The following NOL8 variants were observed in gnomAD, a reference collection of about 807,000 sequenced individuals.
NOL8 encodes nucleolar protein Nop132.
In NOL8, 93 loss-of-function variants were observed where a neutral mutation model predicts 116.1. That is an observed-to-expected ratio of 0.80 (90% CI 0.68 to 0.95). The LOEUF (loss-of-function observed/expected upper bound fraction) is 0.95, where lower values mean the gene tolerates loss of function less well. Among genes scored for constraint, NOL8 ranks in the 40% least tolerant of loss-of-function variants. NOL8 has a pLI of 0.00. For synonymous variants in NOL8, 419 were observed against 469.0 expected (o/e 0.89, Z 1.38); for missense variants, 1,291 against 1,382.8 (o/e 0.93, Z 1.05).
intron 12 of NOL8, among the ~76,000 whole-genome samples, chr9:92,304,487 T>C (rs1005367982): frequency 2.0e-5 from 3 of 152,194 alleles, no homozygotes; most frequent in African/African-American, 7.2e-5. Context: ...AATGATGACA[T>C]CCTGGATTTT....
chr9:92,317,636 C>T (rs1188204845), intron 6 of NOL8, among the ~76,000 whole-genome samples: 4 of 152,122 alleles, frequency 2.6e-5, no homozygotes, highest in African/African-American at 4.8e-5. Context: ...TTGGCTTTTG[C>T]TCCTCCAGCA....
Position 92,315,889 on chromosome 9 carries a change from G to T in NOL8, c.736C>A (p.Pro246Thr). 6.2e-7 allele frequency: 1 copy of T among 1,613,824 alleles called. No homozygotes were observed. Among genetic ancestry groups the T allele is most frequent in the Non-Finnish European group, 8.5e-7 (1 of 1,179,872 alleles). Reference sequence around the variant, plus strand: ...GCAGCCTGTTGCTGTGTTAAGGGTGGTCTCTCTATTACCCTCCTGGGCCTT... The same window carrying T: ...GCAGCCTGTTGCTGTGTTAAGGGTGTTCTCTCTATTACCCTCCTGGGCCTT... ...STRPRRVIER[P>T]PLTQQQAAQK... Residue 246 changes from proline to threonine, a missense_variant, in exon 7 of 17, where the codon CCA (proline) becomes ACA (threonine). Pro to Thr is a conservative substitution (Grantham distance 38, BLOSUM62 -1). Transcript: ENST00000442668.
At position 92,314,512 on chromosome 9, in the gene NOL8, C is replaced by G. The variant is rs573564887; in HGVS notation, c.2113G>C (p.Glu705Gln). The change falls in exon 7 of 17, where the codon GAA (glutamate) becomes CAA (glutamine). Residue 705 changes from glutamate to glutamine, a missense_variant. Physicochemically the swap from Glu to Gln is conservative, Grantham distance 29. Transcript: ENST00000442668. The part of the protein sequence containing the change: ...KDSCHSTTKT[E>Q]ASQEERSDSS... ...TCAGACCGCTCTTCCTGTGAAGCTTCTGTCTTTGTGGTACTATGGCAGCTG... is the reference window on the plus strand; with the variant it reads ...TCAGACCGCTCTTCCTGTGAAGCTTGTGTCTTTGTGGTACTATGGCAGCTG... 56 of 1,613,672 alleles carry G rather than the reference C, an allele frequency of 3.5e-5. No individual in the cohort carries two copies. In the South Asian group the frequency reaches 5.2e-4, roughly 15 times the overall value.
At chr9:92,300,222 G>C in intron 13 of NOL8, 1 of 1,217,688 alleles carries the variant, frequency 8.2e-7, no homozygotes, top group Non-Finnish European at 1.0e-6. Context: ...CATAATTTTG[G>C]CATTGCTAGA....
At chr9:92,323,922 T>C in intron 2 of NOL8, 101 bp downstream of exon 2, 2 of 1,275,264 alleles carry the variant, frequency 1.6e-6, no homozygotes, top group Non-Finnish European at 2.2e-6. Flanking sequence ...TTAAAACTTT[T>C]GGTGTTCAGA....
chr9:92,323,250 C>T (rs1269380230), intron 3 of NOL8, 191 bp downstream of exon 3: 2 of 1,477,948 alleles, frequency 1.4e-6, no homozygotes, highest in East Asian at 2.5e-5. Context: ...AAAGTGCTAC[C>T]ATGTCTGCTG....
intron 8 of NOL8, chr9:92,310,895 GTAGT>G (rs1421255272): frequency 5.2e-6 from 3 of 581,012 alleles, no homozygotes; most frequent in Non-Finnish European, 9.0e-6. Context: ...ATTTGGGGAG[GTAGT>G]TATTACATGC....
intron 6 of NOL8, among the ~76,000 whole-genome samples, chr9:92,316,447 G>A (rs1033312179): frequency 3.9e-4 from 59 of 152,286 alleles, no homozygotes; most frequent in Non-Finnish European, 6.9e-4. Context: ...GCTATTTTCT[G>A]TAAATCACAG....
In NOL8 at chr9:92,314,451, T is replaced by C. The variant is rs1158472282; in HGVS notation, c.2174A>G (p.Lys725Arg). The stretch of plus-strand genomic sequence containing the variant: ...TTCCCGAGTGTCCTTGGATGAGACC[T>C]TTGGTGATTTCTTGAGAGATGTGAG... ...SGLTSLKKSP[K>R]VSSKDTREIK... The change falls in exon 7 of 17, where the codon AAG becomes AGG. Residue 725 changes from lysine (K) to arginine (R), a missense_variant. Physicochemically the swap from Lys to Arg is conservative, Grantham distance 26 (BLOSUM62 2). Transcript: ENST00000442668. The C allele has an allele frequency of 6.2e-7, 1 of 1,612,650 alleles. No homozygotes were observed. Among genetic ancestry groups the C allele is most frequent in the Non-Finnish European group, 8.5e-7 (1 of 1,178,902 alleles).
chr9:92,311,132 C>T lies in NOL8; in HGVS notation c.2472+14G>A, dbSNP rs1384885950. 2 of 1,587,788 alleles carry T rather than the reference C, an allele frequency of 1.3e-6. No homozygotes were observed. The highest frequency in any genetic ancestry group is 1.7e-6 in the Non-Finnish European group (2 of 1,156,990). On this transcript the variant is annotated intron_variant, in intron 8 of 16. Coordinates refer to ENST00000442668, the MANE Select transcript of NOL8 (RefSeq NM_017948.6). ...AGTAGATGAATGTCCACAGAGACATCCTGAACTTCTTACTTTCACCCATTC... is the reference window on the plus strand; with the variant it reads ...AGTAGATGAATGTCCACAGAGACATTCTGAACTTCTTACTTTCACCCATTC...
Position 92,314,830 on chromosome 9 carries a change from C to T in NOL8, c.1795G>A (p.Asp599Asn). ...LKDSVASNNKDQNSMKHEDPS... is the reference protein window; with the variant it reads ...LKDSVASNNKNQNSMKHEDPS... The stretch of plus-strand genomic sequence containing the variant: ...TCCTCATGTTTCATGGAATTCTGAT[C>T]TTTATTGTTAGAGGCAACACTGTCT... Residue 599 changes from aspartate to asparagine, a missense_variant, in exon 7 of 17, where the codon GAT (aspartate) becomes AAT (asparagine). Coordinates refer to ENST00000442668, the MANE Select transcript of NOL8 (RefSeq NM_017948.6). The T allele has an allele frequency of 1.2e-6, 2 of 1,613,278 alleles. No homozygotes were observed. Among genetic ancestry groups the T allele is most frequent in the Non-Finnish European group, 1.7e-6 (2 of 1,179,638 alleles).
Position 92,315,486 on chromosome 9 carries a change from T to A in NOL8, c.1139A>T (p.Asp380Val). Residue 380 changes from aspartate (D) to valine (V), a missense_variant, in exon 7 of 17, where the codon GAT (aspartate) becomes GTT (valine). Transcript: ENST00000442668. ...TTTCATCGCAATAATTTCATCTGTA[T>A]CTCCTGAGTCATACTCACGATCATT... is the stretch of plus-strand genomic sequence containing the variant. ...MRNDREYDSG[D>V]TDEIIAMKKN... The A allele has an allele frequency of 2.5e-6, 4 of 1,607,374 alleles. No homozygotes were observed. The highest frequency in any genetic ancestry group is 3.4e-6 in the Non-Finnish European group (4 of 1,176,534).
At chr9:92,319,551 A>G (rs1213278554) in intron 4 of NOL8, among the ~76,000 whole-genome samples, 195 bp from the exon 5 acceptor site, 1 of 152,222 alleles carries the variant, frequency 6.6e-6, no homozygotes, top group African/African-American at 2.4e-5. Context: ...TTATTATAGA[A>G]TACTGGAAGA....
At position 92,323,438 on chromosome 9, in the gene NOL8, T is replaced by G. The variant is rs1408769044; in HGVS notation, c.202+3A>C. 1 of 1,601,022 alleles carries G rather than the reference T, an allele frequency of 6.2e-7. No homozygotes were observed. Among genetic ancestry groups the G allele is most frequent in the Non-Finnish European group, 8.5e-7 (1 of 1,173,134 alleles). On this transcript the variant is annotated splice_donor_region_variant and intron_variant, in intron 3 of 16. Coordinates refer to ENST00000442668, the MANE Select transcript of NOL8 (RefSeq NM_017948.6). ...CAGTATAGAAAATATATGATGATCTTACATTTTTTCAGGTCCGCTTCTGCT... is the reference window on the plus strand; with the variant it reads ...CAGTATAGAAAATATATGATGATCTGACATTTTTTCAGGTCCGCTTCTGCT...
rs1422906878 is a variant in NOL8, at chr9:92,306,937, A to G, written c.2774T>C (p.Ile925Thr). ...ALNVVQSVLQ[I>T]NLSNSTNRGS... The stretch of plus-strand genomic sequence containing the variant: ...TCTGTTTGTAGAATTGCTTAAGTTG[A>G]TTTGCAAAACACTTTGTACAACATT... Residue 925 changes from isoleucine to threonine, a missense_variant, in exon 11 of 17, where the codon ATC (isoleucine) becomes ACC (threonine). Ile to Thr is a moderately conservative substitution (Grantham distance 89, BLOSUM62 -1). Coordinates refer to ENST00000442668, the MANE Select transcript of NOL8 (RefSeq NM_017948.6). 2 of 1,613,390 alleles carry G rather than the reference A, an allele frequency of 1.2e-6. No individual in the cohort carries two copies. Among genetic ancestry groups the G allele is most frequent in the Non-Finnish European group, 1.7e-6 (2 of 1,179,578 alleles).
At chr9:92,307,831 GAT>G (rs796316281) in intron 10 of NOL8, among the ~76,000 whole-genome samples, 6 of 152,332 alleles carry the variant, frequency 3.9e-5, no homozygotes, top group African/African-American at 1.4e-4. Flanking sequence ...AGGTAGGAAA[GAT>G]AGAGTTGAAT....
At chr9:92,304,116 T>C (rs112328359) in intron 12 of NOL8, among the ~76,000 whole-genome samples, 3 of 152,104 alleles carry the variant, frequency 2.0e-5, no homozygotes, top group Non-Finnish European at 2.9e-5. Context: ...AAAAAGCAGG[T>C]TGAAAAAACT....
chr9:92,318,033 CAAAAA>C (rs745928872), intron 6 of NOL8, among the ~76,000 whole-genome samples: 3 of 34,600 alleles, frequency 8.7e-5, no homozygotes, highest in African/African-American at 3.5e-4. Context: ...GACTCCATCT[CAAAAA>C]AAAAAAAAAA....
At chr9:92,309,918 T>C (rs1838613683) in intron 10 of NOL8, among the ~76,000 whole-genome samples, 1 of 152,192 alleles carries the variant, frequency 6.6e-6, no homozygotes. Flanking sequence ...ATGCCAAGGA[T>C]GGGATAGAGG....
Sources: allele counts gnomAD v4.1 joint callset (sites outside exome capture counted in the v4.1 genomes callset), GRCh38; gene constraint gnomAD v4.1.1; transcripts MANE v1.5; gene names NCBI Gene and HGNC (gene_info 2026-07-23, HGNC 2026-07-21).